Variants in FOXRED2 observed in about 807,000 individuals in gnomAD.
FOXRED2 encodes FAD dependent oxidoreductase domain containing 2.
Under a neutral mutation model 52.5 loss-of-function variants are expected in FOXRED2, and 32 were observed. The observed-to-expected ratio is 0.61, with a 90% CI of 0.46 to 0.82. The LOEUF is 0.82. Among genes scored for constraint, FOXRED2 ranks in the 40% least tolerant of loss-of-function variants. The pLI, the probability that FOXRED2 is intolerant of heterozygous loss-of-function variation, is 0.00. For missense variants in FOXRED2, 848 were observed against 937.5 expected (o/e 0.90, Z 1.25); for synonymous variants, 405 against 398.1 (o/e 1.02, Z -0.21).
chr22:36,506,695 C>A (rs1183928676), intron 1 of FOXRED2: 1 of 417,356 alleles, frequency 2.4e-6, no homozygotes, highest in Non-Finnish European at 4.2e-6. Flanking sequence ...TAACCTCCAC[C>A]CTGGGGAAGG....
chr22:36,492,280 G>A (rs191940579), intron 8 of FOXRED2, among the ~76,000 whole-genome samples: 18 of 152,142 alleles, frequency 1.2e-4, no homozygotes, highest in Admixed American at 9.8e-4. Context: ...CAGAATCTGG[G>A]GCCAGCACTA....
chr22:36,494,198 C>T (rs958835769), intron 7 of FOXRED2, among the ~76,000 whole-genome samples: 2 of 152,180 alleles, frequency 1.3e-5, no homozygotes, highest in African/African-American at 4.8e-5. Flanking sequence ...CTCACCGCAA[C>T]CTCTACCTCC....
intron 7 of FOXRED2, among the ~76,000 whole-genome samples, chr22:36,495,208 C>G (rs1052380269): frequency 2.6e-5 from 4 of 152,086 alleles, no homozygotes; most frequent in African/African-American, 9.7e-5. Context: ...ATCCGCTTGC[C>G]TTGGTCTCTC....
chr22:36,504,858 C>A, intron 2 of FOXRED2, 92 bp from the exon 3 acceptor site: 1 of 1,387,776 alleles, frequency 7.2e-7, no homozygotes, highest in Non-Finnish European at 9.8e-7. Flanking sequence ...ACCCACCTGC[C>A]TGGCTCCAAC....
chr22:36,504,457 G>A, intron 3 of FOXRED2, 58 bp downstream of exon 3: 2 of 1,609,312 alleles, frequency 1.2e-6, no homozygotes, highest in Non-Finnish European at 1.7e-6. Context: ...GGGTTGGGGA[G>A]GCTCTTTCCA....
chr22:36,488,569 T>A lies in FOXRED2; in HGVS notation c.*1439A>T, dbSNP rs1054843760. 5.9e-5 allele frequency: 9 copies of A among 152,102 alleles called. No homozygotes were observed. The highest frequency in any genetic ancestry group is 1.9e-4 in the African/African-American group (8 of 41,510). The allele number at this position is 152,102 out of a possible 1,614,324, so 9.4% of individuals were successfully genotyped here. A position where few individuals can be genotyped will look rare whatever the true frequency, so the allele number is the denominator to read the frequency against. ...GCAACTGTACCCAGCGCATGTTTTA[T>A]TTTAATTTAATTTAATTAACTTATT... is the stretch of plus-strand genomic sequence containing the variant. On this transcript the variant is annotated 3_prime_UTR_variant, in exon 9 of 9. Coordinates refer to ENST00000397224, the MANE Select transcript of FOXRED2 (RefSeq NM_001102371.2).
chr22:36,494,550 A>G (rs1370301951), intron 7 of FOXRED2, among the ~76,000 whole-genome samples: 1 of 152,218 alleles, frequency 6.6e-6, no homozygotes, highest in Non-Finnish European at 1.5e-5. Flanking sequence ...TCAGATGGCC[A>G]TCGAGTCAAG....
At chr22:36,503,566 C>T (rs1325857472) in intron 4 of FOXRED2, among the ~76,000 whole-genome samples, 1 of 152,128 alleles carries the variant, frequency 6.6e-6, no homozygotes, top group East Asian at 1.9e-4. Context: ...CTGTCTCGGC[C>T]TCCCTAAGTG....
intron 5 of FOXRED2, among the ~76,000 whole-genome samples, chr22:36,500,486 T>C (rs1934014534): frequency 6.6e-6 from 1 of 152,206 alleles, no homozygotes. Context: ...TTTTAAAAGA[T>C]ATTTTAGTAT....
chr22:36,498,644 A>C (rs1933967753), intron 5 of FOXRED2, among the ~76,000 whole-genome samples: 1 of 152,174 alleles, frequency 6.6e-6, no homozygotes, highest in Non-Finnish European at 1.5e-5. Context: ...CGCCTACAGA[A>C]ATCTTTGATT....
At chr22:36,505,377 C>G (rs1464186680) in intron 2 of FOXRED2, among the ~76,000 whole-genome samples, 1 of 152,240 alleles carries the variant, frequency 6.6e-6, no homozygotes. Flanking sequence ...AAGTCCTGCT[C>G]CTTCCATTGG....
At chr22:36,496,604 G>A (rs919944506) in intron 6 of FOXRED2, among the ~76,000 whole-genome samples, 4 of 152,222 alleles carry the variant, frequency 2.6e-5, no homozygotes, top group African/African-American at 7.2e-5. Flanking sequence ...CTCCCATGAC[G>A]AGACGTGAGG....
chr22:36,491,654 C>G (rs1568986155), intron 8 of FOXRED2, among the ~76,000 whole-genome samples: 1 of 152,168 alleles, frequency 6.6e-6, no homozygotes, highest in Admixed American at 6.5e-5. Context: ...ATCTGCCTTT[C>G]TCGGCCTCCC....
chr22:36,497,827 T>A (rs1231056737), intron 6 of FOXRED2, among the ~76,000 whole-genome samples, 164 bp downstream of exon 6: 1 of 152,144 alleles, frequency 6.6e-6, no homozygotes, highest in Non-Finnish European at 1.5e-5. Context: ...GGACTGTCTG[T>A]AGAGTTAATG....
intron 3 of FOXRED2, 34 bp from the exon 4 acceptor site, chr22:36,504,401 C>G: frequency 6.2e-7 from 1 of 1,610,854 alleles, no homozygotes; most frequent in Non-Finnish European, 8.5e-7. Context: ...GAGAGAGACT[C>G]AGAGGAAAGC....
Position 36,498,282 on chromosome 22 carries a change from A to C in FOXRED2, c.1217-126T>G, listed in dbSNP as rs796900531. On this transcript the variant is annotated intron_variant, in intron 5 of 8. Transcript: ENST00000397224. Reference sequence around the variant, plus strand: ...CACACTGGTCTCCATGGCCCAGCGCAAACGCCTAGGTGGTGAACACATGAG... The same window carrying C: ...CACACTGGTCTCCATGGCCCAGCGCCAACGCCTAGGTGGTGAACACATGAG... The C allele has an allele frequency of 2.7e-6, 3 of 1,102,642 alleles. No homozygotes were observed. In the African/African-American group the frequency reaches 4.7e-5, roughly 17 times the overall value. 68.3% of individuals were successfully genotyped at this position (1,102,642 alleles called of 1,614,324 possible).
Position 36,506,002 on chromosome 22 carries a change from G to C in FOXRED2, c.421C>G (p.Gln141Glu). The C allele has an allele frequency of 1.2e-6, 2 of 1,614,254 alleles. No homozygotes were observed. Among genetic ancestry groups the C allele is most frequent in the Non-Finnish European group, 1.7e-6 (2 of 1,180,048 alleles). Residue 141 changes from glutamine (Q) to glutamate (E), a missense_variant, in exon 2 of 9, where the codon CAG becomes GAG. By Grantham distance (29) the Gln-to-Glu change is conservative. Transcript: ENST00000397224. Reference sequence around the variant, plus strand: ...ACGTGGGCGATGGTGGTGTTGTACTGGACACGGAGCCCCAGCGTGTCCGCG... The same window carrying C: ...ACGTGGGCGATGGTGGTGTTGTACTCGACACGGAGCCCCAGCGTGTCCGCG... The part of the protein sequence containing the change: ...DFADTLGLRV[Q>E]YNTTIAHVTL...
chr22:36,502,239 C>G (rs1296011560), intron 4 of FOXRED2, among the ~76,000 whole-genome samples: 1 of 152,132 alleles, frequency 6.6e-6, no homozygotes, highest in Non-Finnish European at 1.5e-5. Flanking sequence ...AATCCTAGCA[C>G]TTTGGGAGGC....
chr22:36,495,867 C>T, intron 7 of FOXRED2, 100 bp downstream of exon 7: 1 of 1,354,580 alleles, frequency 7.4e-7, no homozygotes. Flanking sequence ...TCCCACCTGT[C>T]AGCTGAGCAT....
Sources: gnomAD v4.1 joint callset for allele counts (sites outside exome capture counted in the v4.1 genomes callset) on GRCh38, gnomAD v4.1.1 for gene constraint, MANE v1.5 for transcripts, NCBI Gene and HGNC (gene_info 2026-07-23, HGNC 2026-07-21) for gene names.